Variants in DLGAP1 observed in about 807,000 individuals in gnomAD.
The protein encoded by DLGAP1 is DLG associated protein 1, also known as disks large-associated protein 1.
In DLGAP1, 11 loss-of-function variants were observed where a neutral mutation model predicts 90.8. That is an observed-to-expected ratio of 0.12 (90% CI 0.08 to 0.20). The LOEUF (loss-of-function observed/expected upper bound fraction) is 0.20, where lower values mean the gene tolerates loss of function less well. Among genes scored for constraint, DLGAP1 ranks in the 10% least tolerant of loss-of-function variants. DLGAP1 has a pLI of 1.00. For missense variants in DLGAP1, 1,050 were observed against 1,333.8 expected (o/e 0.79, Z 3.31); for synonymous variants, 558 against 540.7 (o/e 1.03, Z -0.44).
In DLGAP1 at chr18:3,727,240, G is replaced by A. The variant is rs1243091365; in HGVS notation, c.1591+1895C>T. 2.0e-5 allele frequency among the ~76,000 whole-genome samples: 3 copies of A among 152,200 alleles called. No individual in the cohort carries two copies. The highest frequency in any genetic ancestry group is 2.9e-5 in the Non-Finnish European group (2 of 68,044). ...TGCTTGAGCTCTGGGAGCCTCCAGAGTATCTGAGAAGTGTCTTAGGAGGGC... is the reference window on the plus strand; with the variant it reads ...TGCTTGAGCTCTGGGAGCCTCCAGAATATCTGAGAAGTGTCTTAGGAGGGC... On this transcript the variant is annotated intron_variant, in intron 7 of 12. Transcript: ENST00000315677. The surrounding 1 kb of genome is among the most constrained non-coding windows in gnomAD (Gnocchi z 4.7).
intron 7 of DLGAP1, among the ~76,000 whole-genome samples, chr18:3,712,911 G>A (rs1691264288): frequency 6.6e-6 from 1 of 152,244 alleles, no homozygotes; most frequent in Admixed American, 6.5e-5. Flanking sequence ...TGGGAGTGAA[G>A]TTGTTCTACT....
rs73943633 is a variant in DLGAP1 at position 4,045,009 on chromosome 18, A to C, written c.-158-39808T>G. On this transcript the variant is annotated intron_variant, in intron 2 of 12. Transcript: ENST00000315677. ...CAGCAAACACCAAGATAAACCAAAG[A>C]ACAATGTCAATCAGAGATGAGTAAC... is the stretch of plus-strand genomic sequence containing the variant. Among the ~76,000 whole-genome samples, 707 of 152,230 alleles carry C rather than the reference A, an allele frequency of 4.6e-3. 5 individuals are homozygous for C. Among genetic ancestry groups the C allele is most frequent in the African/African-American group, 0.017 (689 of 41,530 alleles).
intron 2 of DLGAP1, among the ~76,000 whole-genome samples, chr18:4,109,918 CA>C (rs929136400): frequency 1.6e-4 from 24 of 151,798 alleles, no homozygotes; most frequent in African/African-American, 5.8e-4. Flanking sequence ...GGACAGGACT[CA>C]AGTCTTGAAA....
intron 1 of DLGAP1, among the ~76,000 whole-genome samples, chr18:4,354,475 C>T (rs1025047188): frequency 2.6e-5 from 4 of 152,202 alleles, no homozygotes; most frequent in Admixed American, 2.0e-4. Flanking sequence ...CATTTCTACA[C>T]AGCTGTACAT....
intron 2 of DLGAP1, among the ~76,000 whole-genome samples, chr18:4,077,275 T>A (rs1473421728): frequency 6.6e-6 from 1 of 152,228 alleles, no homozygotes; most frequent in Non-Finnish European, 1.5e-5. Context: ...AGAGCCATAC[T>A]TGAAATCAAT....
intron 3 of DLGAP1, among the ~76,000 whole-genome samples, chr18:3,957,139 G>A (rs2073100450): frequency 6.6e-6 from 1 of 152,112 alleles, no homozygotes; most frequent in South Asian, 2.1e-4. Flanking sequence ...GATCCATGTG[G>A]GCCAATGTAA....
intron 4 of DLGAP1, among the ~76,000 whole-genome samples, chr18:3,830,235 A>C (rs1367932233): frequency 6.6e-6 from 1 of 152,200 alleles, no homozygotes; most frequent in Non-Finnish European, 1.5e-5. Context: ...TGAACAGGAA[A>C]ATCTACAGTC....
intron 1 of DLGAP1, among the ~76,000 whole-genome samples, chr18:4,256,733 G>A (rs1051050017): frequency 6.6e-6 from 1 of 152,034 alleles, no homozygotes; most frequent in African/African-American, 2.4e-5. Flanking sequence ...AGAACTTTCA[G>A]TAGTGAAACT....
intron 7 of DLGAP1, among the ~76,000 whole-genome samples, chr18:3,626,378 A>T (rs929881222): frequency 6.6e-6 from 1 of 151,772 alleles, no homozygotes; most frequent in Non-Finnish European, 1.5e-5. Flanking sequence ...AGGATTGCGT[A>T]AGCCCAGGAA....
chr18:4,212,483 T>C (rs1175521224), intron 1 of DLGAP1, among the ~76,000 whole-genome samples: 1 of 148,164 alleles, frequency 6.7e-6, no homozygotes, highest in Non-Finnish European at 1.5e-5. Context: ...CTGGCCAACA[T>C]GGTGAAACCA....
intron 2 of DLGAP1, among the ~76,000 whole-genome samples, chr18:4,134,839 T>C (rs1468023220): frequency 1.3e-5 from 2 of 152,136 alleles, no homozygotes; most frequent in African/African-American, 2.4e-5. Flanking sequence ...GCTGAGAGCA[T>C]GTGCACCAAC....
At chr18:3,845,445 T>G in intron 4 of DLGAP1, 5 of 1,347,288 alleles carry the variant, frequency 3.7e-6, no homozygotes, top group Non-Finnish European at 1.9e-6. Context: ...CAACTTTACA[T>G]TTTCATTCAT....
At position 3,834,508 on chromosome 18, in the gene DLGAP1, G is replaced by A. The variant is rs16945482; in HGVS notation, c.958-20235C>T. ...TGATTTGATTCAATCCTGTGTTCCCGGTGTCTGGAAGTGAGCTTGGCACAC... is the reference window on the plus strand; with the variant it reads ...TGATTTGATTCAATCCTGTGTTCCCAGTGTCTGGAAGTGAGCTTGGCACAC... On this transcript the variant is annotated intron_variant, in intron 4 of 12. Transcript: ENST00000315677. Among the ~76,000 whole-genome samples, 1,428 of 152,034 alleles carry A rather than the reference G, an allele frequency of 9.4e-3. 59 individuals are homozygous for A. Among genetic ancestry groups the A allele is most frequent in the East Asian group, 0.066 (342 of 5,172 alleles).
At chr18:3,597,101 T>C (rs1478200030) in intron 7 of DLGAP1, 1 of 519,904 alleles carries the variant, frequency 1.9e-6, no homozygotes, top group Non-Finnish European at 3.8e-6. Flanking sequence ...CTTTTTTTTT[T>C]CACTCTCAGC....
intron 1 of DLGAP1, chr18:4,294,724 G>A (rs1165823263): frequency 6.6e-6 from 1 of 152,278 alleles, no homozygotes; most frequent in Non-Finnish European, 1.5e-5. Context: ...ACAGCTTTCT[G>A]TATTCTGAGC....
At position 3,997,152 on chromosome 18, in the gene DLGAP1, C is replaced by T. The variant is rs1358288839; in HGVS notation, c.-73+7964G>A. On this transcript the variant is annotated intron_variant, in intron 3 of 12. Transcript: ENST00000315677. ...GAAAGGTTATTTTCGTCTAATGTTA[C>T]CCATAACTCATTCGCTATTTGACGT... Among the ~76,000 whole-genome samples the T allele has an allele frequency of 2.9e-5, 3 of 102,148 alleles. 1 individual carries two copies. The highest frequency in any genetic ancestry group is 1.2e-4 in the African/African-American group (3 of 25,716). 67.0% of individuals were successfully genotyped at this position (102,148 alleles called of 152,430 possible).
intron 7 of DLGAP1, among the ~76,000 whole-genome samples, chr18:3,664,747 A>T (rs1017123143): frequency 1.3e-5 from 2 of 152,190 alleles, no homozygotes; most frequent in African/African-American, 4.8e-5. Flanking sequence ...AAAGGGTAAG[A>T]CTGCTTTTGA....
intron 7 of DLGAP1, among the ~76,000 whole-genome samples, chr18:3,625,767 C>G (rs2058271070): frequency 1.3e-5 from 2 of 152,174 alleles, no homozygotes; most frequent in African/African-American, 4.8e-5. Flanking sequence ...TCAATTTCAT[C>G]TTAACACAAT....
rs185056548 is a variant in DLGAP1 at position 3,544,062 on chromosome 18, T to C, written c.2058-9447A>G. On this transcript the variant is annotated intron_variant, in intron 9 of 12. Coordinates refer to ENST00000315677, the MANE Select transcript of DLGAP1 (RefSeq NM_004746.4). ...ATGTGGCAAAAATATCTTTTTTAAA[T>C]GAAGACAAAATAAGGACTTTTTTAT... Among the ~76,000 whole-genome samples the C allele has an allele frequency of 2.9e-3, 446 of 152,274 alleles. 4 individuals carry two copies. The highest frequency in any genetic ancestry group is 0.01 in the African/African-American group (421 of 41,558).
Sources: allele counts gnomAD v4.1 joint callset (sites outside exome capture counted in the v4.1 genomes callset), GRCh38; gene constraint gnomAD v4.1.1; non-coding constraint Gnocchi (gnomAD v3.1); transcripts MANE v1.5; gene names NCBI Gene and HGNC (gene_info 2026-07-23, HGNC 2026-07-21).